The following ABCA9 variants were observed in gnomAD, a reference collection of about 807,000 sequenced individuals.
ABCA9 encodes ATP binding cassette subfamily A member 9, also known as ATP-binding cassette sub-family A member 9.
In ABCA9, 183 loss-of-function variants were observed where a neutral mutation model predicts 205.3. The observed-to-expected ratio is 0.89, with a 90% confidence interval of 0.79 to 1.01. The LOEUF (loss-of-function observed/expected upper bound fraction) is 1.01, where lower values mean the gene tolerates loss of function less well. Ranked by LOEUF, ABCA9 falls within the 50% of genes least tolerant of loss-of-function variation. The pLI is 0.00. For missense variants in ABCA9, 1,805 were observed against 1,912.4 expected, an observed-to-expected ratio of 0.94 and a Z score of 1.05; for synonymous variants, 651 against 683.3, an observed-to-expected ratio of 0.95 and a Z score of 0.74.
chr17:69,016,726 T>C (rs1300927251), intron 21 of ABCA9, among the ~76,000 whole-genome samples: 1 of 152,110 alleles, frequency 6.6e-6, no homozygotes, highest in Non-Finnish European at 1.5e-5. Context: ...TTTCAAAATG[T>C]GACACATTCA....
In ABCA9 at chr17:68,984,756, A is replaced by T. The variant is rs116750780; in HGVS notation, c.4379+129T>A. 5.4e-4 allele frequency: 663 copies of T among 1,228,598 alleles called. 3 individuals carry two copies. In the African/African-American group the frequency reaches 9.4e-3, roughly 17 times the overall value. 76.1% of individuals were successfully genotyped at this position (1,228,598 alleles called of 1,614,324 possible). A position where few individuals can be genotyped will look rare whatever the true frequency, so the allele number is the denominator to read the frequency against. ...GCTGGTTGTGATTTGAAATCAGATA[A>T]TTTTTTTTCCTAAAATATTGCTTTT... is the stretch of plus-strand genomic sequence containing the variant. On this transcript the variant is annotated intron_variant, in intron 34 of 38. Transcript: ENST00000340001.
chr17:69,066,611 T>C, the ABCA9 span, among the ~76,000 whole-genome samples: 1 of 149,682 alleles, frequency 6.7e-6, no homozygotes, highest in Non-Finnish European at 1.5e-5. Context: ...TGGGACAGGT[T>C]TTTTTTTTTC....
chr17:69,015,579 A>C (rs1168459589), intron 22 of ABCA9, among the ~76,000 whole-genome samples: 1 of 152,204 alleles, frequency 6.6e-6, no homozygotes, highest in East Asian at 1.9e-4. Flanking sequence ...GCATCCCAAG[A>C]AAAATAGTTT....
chr17:68,997,332 T>G (rs1394966787), intron 25 of ABCA9, among the ~76,000 whole-genome samples: 1 of 152,232 alleles, frequency 6.6e-6, no homozygotes, highest in African/African-American at 2.4e-5. Flanking sequence ...TTTCAAAGCT[T>G]TTTAAAGTTT....
intron 3 of ABCA9, among the ~76,000 whole-genome samples, chr17:69,048,501 T>C (rs1377456508): frequency 1.3e-5 from 2 of 152,210 alleles, no homozygotes; most frequent in East Asian, 1.9e-4. Flanking sequence ...CTATCTGGAA[T>C]GACAAGGTTC....
chr17:69,036,040 T>A (rs1382959857), intron 6 of ABCA9, among the ~76,000 whole-genome samples: 1 of 152,204 alleles, frequency 6.6e-6, no homozygotes. Context: ...GATGATACAA[T>A]GGATGTCACT....
chr17:68,984,230 A>G, intron 34 of ABCA9, 55 bp from the exon 35 acceptor site: 12 of 1,584,196 alleles, frequency 7.6e-6, no homozygotes, highest in Non-Finnish European at 1.0e-5. Flanking sequence ...AGGTATTTGG[A>G]ATTTTAAAAA....
intron 26 of ABCA9, among the ~76,000 whole-genome samples, chr17:68,993,601 C>G (rs529627461): frequency 1.3e-5 from 2 of 152,306 alleles, no homozygotes; most frequent in South Asian, 4.1e-4. Flanking sequence ...ATTCCCCACT[C>G]TTTTGCAAAT....
chr17:69,034,221 GTTTA>G (rs760865087), intron 8 of ABCA9, among the ~76,000 whole-genome samples: 6 of 152,010 alleles, frequency 3.9e-5, no homozygotes, highest in Non-Finnish European at 8.8e-5. Context: ...TAAATTTTTT[GTTTA>G]TTTGTTTGTT....
chr17:68,993,480 C>A (rs751277602), intron 26 of ABCA9, among the ~76,000 whole-genome samples: 5 of 152,234 alleles, frequency 3.3e-5, no homozygotes, highest in Non-Finnish European at 7.3e-5. Flanking sequence ...TTATATTGCT[C>A]TTGCCCTCTT....
chr17:68,999,515 C>T (rs1179495558), intron 25 of ABCA9, among the ~76,000 whole-genome samples: 3 of 139,088 alleles, frequency 2.2e-5, no homozygotes, highest in Non-Finnish European at 3.1e-5. Flanking sequence ...TTTTCTTAAT[C>T]CAGTCTATCA....
At chr17:68,998,618 G>A (rs1020953007) in intron 25 of ABCA9, among the ~76,000 whole-genome samples, 1 of 151,940 alleles carries the variant, frequency 6.6e-6, no homozygotes, top group East Asian at 1.9e-4. Context: ...TTATACATAT[G>A]TGTAACAATG....
upstream of ABCA9, among the ~76,000 whole-genome samples, chr17:69,064,776 A>G (rs2072328934): frequency 6.6e-6 from 1 of 152,224 alleles, no homozygotes; most frequent in Non-Finnish European, 1.5e-5. Context: ...TACCAGTCTG[A>G]TTAATAAAAA....
rs1474808299 is a variant in ABCA9, at chr17:69,016,307, A to T, written c.2985T>A (p.Leu995=). The T allele has an allele frequency of 6.2e-7, 1 of 1,602,568 alleles. No homozygotes were observed. The highest frequency in any genetic ancestry group is 8.5e-7 in the Non-Finnish European group (1 of 1,175,830). The change falls in exon 22 of 39, where the codon CTT becomes CTA. Residue 995 remains leucine (L), a synonymous_variant. Coordinates refer to ENST00000340001, the MANE Select transcript of ABCA9 (RefSeq NM_080283.4). The part of the protein sequence containing the change: ...VLLDVISNGL[L]GIFNSSEHIQ... Reference sequence around the variant, plus strand: ...TGTGTTCTGACGAATTAAAAATTCCAAGTAGTCCATTGCTAATGACATCCA... The same window carrying T: ...TGTGTTCTGACGAATTAAAAATTCCTAGTAGTCCATTGCTAATGACATCCA...
chr17:69,018,357 G>C (rs923556882), intron 20 of ABCA9, 56 bp downstream of exon 20: 4 of 1,369,604 alleles, frequency 2.9e-6, no homozygotes, highest in Non-Finnish European at 3.8e-6. Context: ...TGTTTTTTGG[G>C]GGGAATCTCT....
At chr17:69,010,718 C>T (rs141790669) in intron 23 of ABCA9, among the ~76,000 whole-genome samples, 45 of 152,018 alleles carry the variant, frequency 3.0e-4, no homozygotes, top group African/African-American at 1.0e-3. Context: ...ATGACTTAGA[C>T]CACGAAGAAA....
chr17:69,022,910 A>AC lies in ABCA9; in HGVS notation c.2282-1050dup, dbSNP rs774729533. 5.9e-5 allele frequency among the ~76,000 whole-genome samples: 9 copies of AC among 152,336 alleles called. No individual in the cohort carries two copies. In the East Asian group the frequency reaches 1.2e-3, roughly 20 times the overall value. Reference sequence around the variant, plus strand: ...AAATTTCTAATGAGTCCTTAAACTTACCTAAGGGTTAATTGTTTTTCAGTC... The same window carrying AC: ...AAATTTCTAATGAGTCCTTAAACTTACCCTAAGGGTTAATTGTTTTTCAGTC... On this transcript the variant is annotated intron_variant, in intron 17 of 38. Coordinates refer to ENST00000340001, the MANE Select transcript of ABCA9 (RefSeq NM_080283.4).
At chr17:69,036,362 C>T (rs1306279066) in intron 6 of ABCA9, among the ~76,000 whole-genome samples, 1 of 151,998 alleles carries the variant, frequency 6.6e-6, no homozygotes, top group Admixed American at 6.6e-5. Context: ...TCACATGCCA[C>T]AAAATATTAT....
At chr17:68,993,501 T>C (rs1161176705) in intron 26 of ABCA9, among the ~76,000 whole-genome samples, 2 of 152,232 alleles carry the variant, frequency 1.3e-5, no homozygotes, top group East Asian at 3.8e-4. Flanking sequence ...ACAGCCACTT[T>C]TGAGAGTAAT....
Sources: allele counts gnomAD v4.1 joint callset (sites outside exome capture counted in the v4.1 genomes callset), GRCh38; gene constraint gnomAD v4.1.1; transcripts MANE v1.5; gene names NCBI Gene and HGNC (gene_info 2026-07-23, HGNC 2026-07-21).